Variants in MAP4 observed in about 807,000 individuals in gnomAD.
MAP4 encodes microtubule associated protein 4.
Under a neutral mutation model 170.2 loss-of-function variants are expected in MAP4, and 76 were observed. The observed-to-expected ratio is 0.45, with a 90% CI of 0.37 to 0.54. MAP4 has a LOEUF of 0.54. MAP4 is among the 20% of genes least tolerant of loss of function. The probability of loss-of-function intolerance (pLI) is 0.00; values close to 1 mark genes in which losing one functional copy is unlikely to be tolerated. For synonymous variants in MAP4, 909 were observed against 994.5 expected (o/e 0.91, Z 1.62); for missense variants, 2,506 against 2,748.0 (o/e 0.91, Z 1.97).
chr3:47,927,781 T>C (rs1304851657), intron 4 of MAP4, among the ~76,000 whole-genome samples: 1 of 152,196 alleles, frequency 6.6e-6, no homozygotes. Context: ...GGTCTGTTTT[T>C]AATTTTATAG....
intron 1 of MAP4, among the ~76,000 whole-genome samples, chr3:48,043,790 G>A (rs1350298267): frequency 2.0e-5 from 3 of 151,910 alleles, no homozygotes; most frequent in African/African-American, 7.2e-5. Context: ...AATGCACGCT[G>A]AAACCATGCA....
In MAP4 at chr3:47,981,454, C is replaced by T. The variant is rs564399548; in HGVS notation, c.224-3521G>A. On this transcript the variant is annotated intron_variant, in intron 2 of 20. Coordinates refer to ENST00000683076, the MANE Select transcript of MAP4 (RefSeq NM_001385682.1). ...TGGCACACGCCTATAGTCCTTATCT[C>T]GTAATAAAAAATAATAATAATAAAA... Among the ~76,000 whole-genome samples the T allele has an allele frequency of 4.6e-5, 7 of 151,672 alleles. No homozygotes were observed. In the South Asian group the frequency reaches 8.3e-4, roughly 18 times the overall value.
chr3:47,865,313 G>A (rs1207887432), intron 17 of MAP4, among the ~76,000 whole-genome samples: 1 of 152,210 alleles, frequency 6.6e-6, no homozygotes, highest in Non-Finnish European at 1.5e-5. Context: ...TTCACCTTCT[G>A]TTTTCATCCA....
At chr3:48,082,365 T>C (rs1662439482) in intron 1 of MAP4, among the ~76,000 whole-genome samples, 1 of 152,248 alleles carries the variant, frequency 6.6e-6, no homozygotes, top group Admixed American at 6.5e-5. Flanking sequence ...AATTCTTTGA[T>C]ACTCCTCCCT....
At chr3:47,986,530 G>A (rs1214940883) in intron 2 of MAP4, among the ~76,000 whole-genome samples, 12 of 151,890 alleles carry the variant, frequency 7.9e-5, no homozygotes, top group African/African-American at 2.2e-4. Flanking sequence ...TAGTAGAGGC[G>A]GGGTTTTGCC....
chr3:47,966,736 C>T (rs991659121), intron 3 of MAP4, among the ~76,000 whole-genome samples: 1 of 152,122 alleles, frequency 6.6e-6, no homozygotes, highest in South Asian at 2.1e-4. Context: ...ATTGAAAACA[C>T]CATCCTTTCC....
chr3:48,044,059 T>C (rs930774563), intron 1 of MAP4, among the ~76,000 whole-genome samples: 2 of 151,774 alleles, frequency 1.3e-5, no homozygotes, highest in Admixed American at 1.3e-4. Flanking sequence ...TTGGCCAGGA[T>C]GGTCTCGATC....
chr3:47,911,941 G>C lies in MAP4; in HGVS notation c.2480C>G (p.Ser827Cys), dbSNP rs1577458176. Residue 827 changes from serine to cysteine, a missense_variant, in exon 9 of 21, where the codon TCT (serine) becomes TGT (cysteine). Physicochemically the swap from Ser to Cys is moderately radical, Grantham distance 112 (BLOSUM62 -1). This residue lies in a region of MAP4 where 2,008 missense variants were observed against 2,206.0 expected (regional missense o/e 0.91). Transcript: ENST00000683076. The surrounding 1 kb of genome is among the most constrained non-coding windows in gnomAD (Gnocchi z 4.0). ...TTMGTEYGLVSGENLKRECLV... is the reference protein window; with the variant it reads ...TTMGTEYGLVCGENLKRECLV... ...ACATTCCCTTTTCAAGTTTTCTCCA[G>C]ATACAAGTCCATATTCTGTACCCAT... The C allele has an allele frequency of 1.3e-6, 2 of 1,536,104 alleles. No individual in the cohort carries two copies. Among genetic ancestry groups the C allele is most frequent in the Middle Eastern group, 1.7e-4 (1 of 5,988 alleles).
intron 2 of MAP4, among the ~76,000 whole-genome samples, chr3:47,982,311 A>T (rs2100085855): frequency 6.6e-6 from 1 of 152,230 alleles, no homozygotes; most frequent in African/African-American, 2.4e-5. Flanking sequence ...CACAATCAAG[A>T]AAAAACTTTT....
intron 4 of MAP4, among the ~76,000 whole-genome samples, chr3:47,926,570 T>C (rs561447966): frequency 6.6e-6 from 1 of 152,276 alleles, no homozygotes; most frequent in Non-Finnish European, 1.5e-5. Flanking sequence ...GGTCTTGCTG[T>C]ATTGCCCACG....
rs551559219 is a variant in MAP4 at position 47,853,396 on chromosome 3, G to C, written c.6697-44C>G. ...GGAGACAGTGCAGGGTCAGTCGAGGGGGGGAGTGGGATGGGGTGATGGTGG... is the reference window on the plus strand; with the variant it reads ...GGAGACAGTGCAGGGTCAGTCGAGGCGGGGAGTGGGATGGGGTGATGGTGG... On this transcript the variant is annotated intron_variant, in intron 19 of 20. Coordinates refer to ENST00000683076, the MANE Select transcript of MAP4 (RefSeq NM_001385682.1). 3.0e-4 allele frequency: 403 copies of C among 1,351,704 alleles called. No homozygotes were observed. The African/African-American group carries it at 3.0e-3, about 10-fold the overall frequency. 83.7% of individuals were successfully genotyped at this position (1,351,704 alleles called of 1,614,324 possible).
chr3:48,022,778 C>G (rs1272667922), intron 1 of MAP4, among the ~76,000 whole-genome samples: 1 of 152,116 alleles, frequency 6.6e-6, no homozygotes, highest in Non-Finnish European at 1.5e-5. Context: ...ATAGTCCCAG[C>G]TACTCAGGGG....
intron 2 of MAP4, among the ~76,000 whole-genome samples, chr3:47,982,494 C>T (rs1188459491): frequency 6.6e-6 from 1 of 152,148 alleles, no homozygotes; most frequent in Non-Finnish European, 1.5e-5. Context: ...CATTTGGATA[C>T]ATTTAGCAGA....
intron 1 of MAP4, among the ~76,000 whole-genome samples, chr3:48,042,502 T>C (rs897634378): frequency 4.6e-5 from 7 of 152,016 alleles, no homozygotes; most frequent in African/African-American, 1.7e-4. Flanking sequence ...AAAGATAATA[T>C]ACAAATGGCC....
chr3:47,886,677 C>T (rs319689), intron 10 of MAP4, among the ~76,000 whole-genome samples: 58,470 of 152,062 alleles, frequency 0.38, 12,600 homozygotes, highest in African/African-American at 0.59. Flanking sequence ...GTGGAACTTA[C>T]TAACTCCTTC....
At chr3:47,934,920 C>T (rs939124212) in intron 3 of MAP4, among the ~76,000 whole-genome samples, 1 of 152,222 alleles carries the variant, frequency 6.6e-6, no homozygotes, top group Non-Finnish European at 1.5e-5. Flanking sequence ...CTTAGATCAC[C>T]ACCATCACCA....
intron 3 of MAP4, chr3:47,960,347 G>T: frequency 4.3e-6 from 1 of 230,588 alleles, no homozygotes; most frequent in South Asian, 7.8e-5. Context: ...AGTTTTTCAG[G>T]AGCTTTTCTC....
chr3:47,960,170 T>C (rs1235851867), intron 3 of MAP4, among the ~76,000 whole-genome samples: 3 of 152,222 alleles, frequency 2.0e-5, no homozygotes, highest in South Asian at 4.1e-4. Flanking sequence ...GGCAGAGTTA[T>C]GCCCATTTTG....
chr3:47,981,673 A>G (rs887647098), intron 2 of MAP4, among the ~76,000 whole-genome samples: 3 of 151,960 alleles, frequency 2.0e-5, no homozygotes, highest in African/African-American at 7.2e-5. Context: ...GCTGAAGCAC[A>G]AGAATAGCTT....
Sources: allele counts gnomAD v4.1 joint callset (sites outside exome capture counted in the v4.1 genomes callset), GRCh38; gene constraint gnomAD v4.1.1; regional missense constraint gnomAD v4.1.1; non-coding constraint Gnocchi (gnomAD v3.1); transcripts MANE v1.5; gene names NCBI Gene and HGNC (gene_info 2026-07-23, HGNC 2026-07-21).